Variants in FAM114A1 observed in about 807,000 individuals in gnomAD.
FAM114A1 encodes the protein protein NOXP20.
FAM114A1 carries 62 observed loss-of-function variants against 64.3 expected under a neutral mutation model. The ratio of observed to expected loss-of-function variants is 0.96; its 90% CI spans 0.79 to 1.19. The LOEUF (loss-of-function observed/expected upper bound fraction) is 1.19. Ranked by LOEUF, FAM114A1 falls within the 50% of genes most tolerant of loss-of-function variation. The pLI is 0.00. For synonymous variants in FAM114A1, 254 were observed against 251.1 expected, an observed-to-expected ratio of 1.01 and a Z score of -0.11; for missense variants, 645 against 676.3, an observed-to-expected ratio of 0.95 and a Z score of 0.51.
intron 4 of FAM114A1, among the ~76,000 whole-genome samples, chr4:38,898,436 C>G (rs7688418): frequency 0.4 from 60,314 of 152,008 alleles, 12,592 homozygotes; most frequent in Middle Eastern, 0.5. Flanking sequence ...AATGATACTA[C>G]GATGAGAAAT....
intron 2 of FAM114A1, among the ~76,000 whole-genome samples, chr4:38,876,182 T>G (rs1714614791): frequency 1.4e-5 from 2 of 147,738 alleles, no homozygotes; most frequent in Admixed American, 1.3e-4. Context: ...TTTTTTTTTT[T>G]TTTTTTTGAG....
At chr4:38,877,615 C>G (rs1039407540) in intron 2 of FAM114A1, among the ~76,000 whole-genome samples, 1 of 152,102 alleles carries the variant, frequency 6.6e-6, no homozygotes, top group Admixed American at 6.6e-5. Flanking sequence ...TGGACTGGTA[C>G]AAGGAATAAT....
chr4:38,941,699 G>C (rs1265715315), intron 14 of FAM114A1, among the ~76,000 whole-genome samples: 2 of 152,196 alleles, frequency 1.3e-5, no homozygotes, highest in Non-Finnish European at 2.9e-5. Flanking sequence ...ATTGGTAGAG[G>C]AAAATCTTCT....
chr4:38,890,441 T>C (rs1389094361), intron 3 of FAM114A1, among the ~76,000 whole-genome samples: 1 of 149,952 alleles, frequency 6.7e-6, no homozygotes, highest in East Asian at 1.9e-4. Context: ...GAGTTGGGAG[T>C]TGGGGATGAC....
chr4:38,913,823 T>C (rs1229363548), intron 7 of FAM114A1, among the ~76,000 whole-genome samples: 4 of 152,136 alleles, frequency 2.6e-5, no homozygotes, highest in Non-Finnish European at 5.9e-5. Context: ...CTCGGCCAGG[T>C]GCAGTGGCTC....
chr4:38,921,668 C>T (rs1349711817), intron 8 of FAM114A1, among the ~76,000 whole-genome samples: 2 of 152,172 alleles, frequency 1.3e-5, no homozygotes, highest in African/African-American at 4.8e-5. Flanking sequence ...TCTGTGAAGC[C>T]CTCCCTGTGT....
At chr4:38,914,208 G>C (rs985655249) in intron 7 of FAM114A1, among the ~76,000 whole-genome samples, 35 of 152,058 alleles carry the variant, frequency 2.3e-4, no homozygotes, top group Non-Finnish European at 7.4e-5. Context: ...CCTGTCATAA[G>C]AGATTCAACT....
rs551255925 is a variant in FAM114A1, at chr4:38,931,523, G to A, written c.1234G>A (p.Glu412Lys). Residue 412 changes from glutamate (E) to lysine (K), a missense_variant, in exon 11 of 15, where the codon GAA becomes AAA. Physicochemically the swap from Glu to Lys is moderately conservative, Grantham distance 56 (BLOSUM62 1). Transcript: ENST00000358869. ...VVSVDVAKVSEEETKKEEKEE... is the reference protein window; with the variant it reads ...VVSVDVAKVSKEETKKEEKEE... ...GTCAGTAGATGTGGCAAAAGTGTCC[G>A]AAGAAGAAACAAAGAAGGAAGAAAA... 34 of 1,613,752 alleles carry A rather than the reference G, an allele frequency of 2.1e-5. No homozygotes were observed. The highest frequency in any genetic ancestry group is 2.7e-5 in the Non-Finnish European group (32 of 1,179,932).
intron 14 of FAM114A1, among the ~76,000 whole-genome samples, chr4:38,941,633 A>G (rs1270194469): frequency 6.6e-6 from 1 of 152,188 alleles, no homozygotes; most frequent in Non-Finnish European, 1.5e-5. Context: ...GTCCAGGAAG[A>G]TTTCTCATTC....
At chr4:38,931,180 A>G (rs1323369409) in intron 10 of FAM114A1, among the ~76,000 whole-genome samples, 5 of 152,176 alleles carry the variant, frequency 3.3e-5, no homozygotes, top group African/African-American at 1.2e-4. Context: ...TCTTATCTGA[A>G]TATCATTTTT....
At chr4:38,880,639 TC>T (rs1715166967) in intron 3 of FAM114A1, among the ~76,000 whole-genome samples, 1 of 152,182 alleles carries the variant, frequency 6.6e-6, no homozygotes. Flanking sequence ...AACAGAGTCT[TC>T]CTGACTCCAG....
Position 38,894,324 on chromosome 4 carries a change from T to C in FAM114A1, c.436+2494T>C, listed in dbSNP as rs553012795. Among the ~76,000 whole-genome samples the C allele has an allele frequency of 9.2e-5, 14 of 152,332 alleles. No homozygotes were observed. In the East Asian group the frequency reaches 2.5e-3, roughly 27 times the overall value. On this transcript the variant is annotated intron_variant, in intron 4 of 14. Transcript: ENST00000358869. ...GAGCCACCATGCAGATAATAAATAC[T>C]GCATCTTGTTACTCTCACAACAATT...
intron 3 of FAM114A1, among the ~76,000 whole-genome samples, chr4:38,880,515 A>C (rs569491186): frequency 6.6e-6 from 1 of 152,192 alleles, no homozygotes; most frequent in Non-Finnish European, 1.5e-5. Context: ...AGGAAGTAAA[A>C]GTGGGACATT....
chr4:38,868,000 T>C, intron 1 of FAM114A1, 166 bp downstream of exon 1: 2 of 403,492 alleles, frequency 5.0e-6, no homozygotes, highest in East Asian at 8.7e-5. Flanking sequence ...AGGACCCGGC[T>C]CTGGGGTGAG....
chr4:38,913,335 A>C (rs1718739465), intron 7 of FAM114A1, among the ~76,000 whole-genome samples: 1 of 152,210 alleles, frequency 6.6e-6, no homozygotes, highest in African/African-American at 2.4e-5. Context: ...TAATGGGGAG[A>C]GGAAACTTGG....
chr4:38,940,494 C>G (rs1269245701), intron 13 of FAM114A1, among the ~76,000 whole-genome samples: 1 of 152,056 alleles, frequency 6.6e-6, no homozygotes, highest in Non-Finnish European at 1.5e-5. Context: ...CCTCAGGAAT[C>G]TAGATAGATA....
At chr4:38,915,441 C>T (rs910385377) in intron 8 of FAM114A1, among the ~76,000 whole-genome samples, 5 of 152,172 alleles carry the variant, frequency 3.3e-5, no homozygotes, top group South Asian at 2.1e-4. Flanking sequence ...TTCATTCCTA[C>T]CCAATGCAAA....
In FAM114A1 at chr4:38,945,509, C is replaced by T. The variant is rs1013750228; in HGVS notation, c.*1952C>T. The stretch of plus-strand genomic sequence containing the variant: ...AGCTCACAGTTTTGCAAGGTGGAAA[C>T]CTCTTATTCACATTTGCTTTGATTC... On this transcript the variant is annotated 3_prime_UTR_variant, in exon 15 of 15. Coordinates refer to ENST00000358869, the MANE Select transcript of FAM114A1 (RefSeq NM_138389.4). 2 of 152,218 alleles carry T rather than the reference C, an allele frequency of 1.3e-5. No homozygotes were observed. The highest frequency in any genetic ancestry group is 2.9e-5 in the Non-Finnish European group (2 of 68,034). 9.4% of individuals were successfully genotyped at this position (152,218 alleles called of 1,614,324 possible).
intron 13 of FAM114A1, among the ~76,000 whole-genome samples, chr4:38,936,242 G>A (rs1468245883): frequency 2.0e-5 from 3 of 151,736 alleles, no homozygotes; most frequent in Non-Finnish European, 2.9e-5. Context: ...ACAGGCGCCC[G>A]CCACCACACC....
Sources: allele counts gnomAD v4.1 joint callset (sites outside exome capture counted in the v4.1 genomes callset), GRCh38; gene constraint gnomAD v4.1.1; transcripts MANE v1.5; gene names NCBI Gene and HGNC (gene_info 2026-07-23, HGNC 2026-07-21).